Variants in TANC2 observed in about 807,000 individuals in gnomAD.
TANC2 encodes the protein protein TANC2.
TANC2 carries 26 observed loss-of-function variants against 210.5 expected under a neutral mutation model. The observed-to-expected ratio is 0.12, with a 90% CI of 0.09 to 0.17. TANC2 has a LOEUF of 0.17. Among genes scored for constraint, TANC2 ranks in the 10% least tolerant of loss-of-function variants. The probability of loss-of-function intolerance (pLI) is 1.00; values close to 1 mark genes in which losing one functional copy is unlikely to be tolerated. For synonymous variants in TANC2, 931 were observed against 967.1 expected (o/e 0.96, Z 0.69); for missense variants, 2,129 against 2,608.9 (o/e 0.82, Z 4.01).
intron 2 of TANC2, among the ~76,000 whole-genome samples, chr17:63,023,238 C>G (rs1328888692): frequency 2.6e-5 from 4 of 152,226 alleles, no homozygotes; most frequent in African/African-American, 7.2e-5. Context: ...GTGGGCTGAG[C>G]CCAGCAAAGT....
At chr17:63,107,459 GACA>G (rs761548153) in intron 4 of TANC2, among the ~76,000 whole-genome samples, 27 of 151,686 alleles carry the variant, frequency 1.8e-4, no homozygotes, top group Middle Eastern at 3.4e-3. Flanking sequence ...TTATGCATGA[GACA>G]ACATGGCATC....
intron 7 of TANC2, among the ~76,000 whole-genome samples, chr17:63,214,582 G>T (rs2041974327): frequency 6.6e-6 from 1 of 152,194 alleles, no homozygotes; most frequent in Non-Finnish European, 1.5e-5. Flanking sequence ...TCTGGTGAGG[G>T]CTCATCCCTT....
At chr17:63,239,009 C>T (rs1192377516) in intron 8 of TANC2, among the ~76,000 whole-genome samples, 1 of 152,094 alleles carries the variant, frequency 6.6e-6, no homozygotes, top group Admixed American at 6.6e-5. Context: ...GGTGGGGACA[C>T]AGAGCCAAAC....
At chr17:63,130,091 T>C (rs772386783) in intron 4 of TANC2, among the ~76,000 whole-genome samples, 1 of 152,236 alleles carries the variant, frequency 6.6e-6, no homozygotes. Context: ...AATCTTCTTA[T>C]AGATGTATAG....
chr17:63,154,643 A>G (rs930395707), intron 5 of TANC2: 1 of 152,148 alleles, frequency 6.6e-6, no homozygotes, highest in East Asian at 1.9e-4. Context: ...CACTTAGAAG[A>G]ATGCTTGGCT....
chr17:63,232,455 C>T (rs1383643924), intron 7 of TANC2, among the ~76,000 whole-genome samples: 1 of 152,204 alleles, frequency 6.6e-6, no homozygotes, highest in East Asian at 1.9e-4. Flanking sequence ...ACATTTTTTG[C>T]TAATGCTGTT....
intron 9 of TANC2, among the ~76,000 whole-genome samples, chr17:63,270,604 C>T (rs1183613554): frequency 6.6e-6 from 1 of 152,044 alleles, no homozygotes; most frequent in Non-Finnish European, 1.5e-5. Context: ...TATATCTTTC[C>T]ACTTTAGAAT....
At chr17:63,120,180 T>A (rs2038408854) in intron 4 of TANC2, among the ~76,000 whole-genome samples, 1 of 152,202 alleles carries the variant, frequency 6.6e-6, no homozygotes, top group Non-Finnish European at 1.5e-5. Flanking sequence ...TTTTTTTTTA[T>A]GTTTGGGATC....
intron 2 of TANC2, among the ~76,000 whole-genome samples, chr17:63,069,113 A>G (rs568589575): frequency 9.9e-5 from 15 of 152,132 alleles, no homozygotes; most frequent in Admixed American, 8.5e-4. Context: ...GATAGTTGCT[A>G]TATCAGTGTG....
intron 4 of TANC2, among the ~76,000 whole-genome samples, chr17:63,134,609 T>C (rs573150432): frequency 1.3e-5 from 2 of 152,324 alleles, no homozygotes; most frequent in African/African-American, 4.8e-5. Flanking sequence ...ATACTAATTA[T>C]TTTTTAGTCT....
At chr17:63,045,653 T>C (rs1405491223) in intron 2 of TANC2, among the ~76,000 whole-genome samples, 1 of 152,130 alleles carries the variant, frequency 6.6e-6, no homozygotes, top group Non-Finnish European at 1.5e-5. Context: ...GAAAGCCAAT[T>C]TTCCCCACCA....
chr17:63,276,843 C>T (rs756098838), intron 9 of TANC2, among the ~76,000 whole-genome samples: 6 of 152,216 alleles, frequency 3.9e-5, no homozygotes, highest in South Asian at 4.1e-4. Context: ...TAAACATATT[C>T]TTATTTAATC....
intron 2 of TANC2, among the ~76,000 whole-genome samples, chr17:63,055,965 C>CAAA (rs869063496): frequency 3.8e-4 from 20 of 52,588 alleles, no homozygotes; most frequent in East Asian, 1.1e-3. Flanking sequence ...TCATCTCTAC[C>CAAA]AAAAAAAAAA....
intron 1 of TANC2, among the ~76,000 whole-genome samples, chr17:62,969,728 C>CAT (rs1371323179): frequency 1.3e-5 from 2 of 151,494 alleles, no homozygotes; most frequent in Non-Finnish European, 3.0e-5. Context: ...AATACACATT[C>CAT]ATACACACAC....
exon 28 of TANC2, chr17:63,424,509 A>G (rs1221551761): frequency 6.6e-6 from 1 of 152,218 alleles, no homozygotes; most frequent in Non-Finnish European, 1.5e-5. Flanking sequence ...CCCAGCAGCA[A>G]ACACTCGCTG....
chr17:63,040,588 A>G (rs2035148460), intron 2 of TANC2, among the ~76,000 whole-genome samples: 1 of 152,140 alleles, frequency 6.6e-6, no homozygotes, highest in Non-Finnish European at 1.5e-5. Flanking sequence ...ACCATCATCT[A>G]TGGGATGCCT....
At chr17:63,063,473 C>A (rs2036068807) in intron 2 of TANC2, among the ~76,000 whole-genome samples, 1 of 151,700 alleles carries the variant, frequency 6.6e-6, no homozygotes, top group South Asian at 2.1e-4. Flanking sequence ...AAGGACACTC[C>A]CGTCACCCAG....
At chr17:63,013,940 T>C (rs1426663205) in intron 2 of TANC2, among the ~76,000 whole-genome samples, 3 of 151,990 alleles carry the variant, frequency 2.0e-5, no homozygotes, top group South Asian at 2.1e-4. Context: ...AGTTATACAA[T>C]TGATAGACCA....
chr17:63,044,475 A>T (rs953223477), intron 2 of TANC2, among the ~76,000 whole-genome samples: 1 of 151,990 alleles, frequency 6.6e-6, no homozygotes. Context: ...ATTCTATTTT[A>T]TGAGCCCATT....
Sources: allele counts gnomAD v4.1 joint callset (sites outside exome capture counted in the v4.1 genomes callset), GRCh38; gene constraint gnomAD v4.1.1; transcripts MANE v1.5; gene names NCBI Gene and HGNC (gene_info 2026-07-23, HGNC 2026-07-21).